MAF: variants seen among roughly 807,000 people sequenced by gnomAD.
The protein encoded by MAF is transcription factor Maf.
MAF carries 10 observed loss-of-function variants against 22.0 expected under a neutral mutation model. The observed-to-expected ratio is 0.45, with a 90% CI of 0.28 to 0.77. The LOEUF (loss-of-function observed/expected upper bound fraction) is 0.77, where lower values mean the gene tolerates loss of function less well. MAF is among the 30% of genes least tolerant of loss of function. The pLI is 0.12. For missense variants in MAF, 544 were observed against 548.4 expected, an observed-to-expected ratio of 0.99 and a Z score of 0.08; for synonymous variants, 337 against 255.8, an observed-to-expected ratio of 1.32 and a Z score of -3.03.
chr16:79,562,373 G>C, the MAF span, among the ~76,000 whole-genome samples: 1 of 152,134 alleles, frequency 6.6e-6, no homozygotes, highest in Non-Finnish European at 1.5e-5. Flanking sequence ...TAGATGATGT[G>C]ACCCGTGAAT....
At chr16:79,459,910 A>G in the MAF span, among the ~76,000 whole-genome samples, 1 of 152,168 alleles carries the variant, frequency 6.6e-6, no homozygotes. Context: ...TCTCATAAAT[A>G]TATCTGTGAG....
At chr16:79,546,717 G>C in the MAF span, among the ~76,000 whole-genome samples, 2 of 152,104 alleles carry the variant, frequency 1.3e-5, no homozygotes, top group Non-Finnish European at 2.9e-5. Flanking sequence ...TTCTGACTCA[G>C]TTTCCGCCTC....
chr16:79,357,342 C>T, the MAF span, among the ~76,000 whole-genome samples: 6 of 149,278 alleles, frequency 4.0e-5, no homozygotes, highest in African/African-American at 7.4e-5. Flanking sequence ...CCCAGCTACT[C>T]GGGAGGCTGA....
the MAF span, among the ~76,000 whole-genome samples, chr16:79,352,490 G>C: frequency 0.011 from 1,607 of 152,224 alleles, 37 homozygotes; most frequent in African/African-American, 0.037. Flanking sequence ...ATTGTTGAAG[G>C]AATCCCATAA....
the MAF span, among the ~76,000 whole-genome samples, chr16:79,253,576 T>G: frequency 6.6e-6 from 1 of 152,284 alleles, no homozygotes; most frequent in South Asian, 2.1e-4. Context: ...CAGGTGTGTG[T>G]ATGTGCATGC....
chr16:79,291,850 G>A, the MAF span, among the ~76,000 whole-genome samples: 6 of 149,422 alleles, frequency 4.0e-5, no homozygotes, highest in Non-Finnish European at 5.9e-5. Context: ...GCCCTCACAG[G>A]GTATCACCTC....
downstream of MAF, among the ~76,000 whole-genome samples, chr16:79,591,291 G>C (rs941113670): frequency 6.6e-6 from 1 of 152,132 alleles, no homozygotes; most frequent in African/African-American, 2.4e-5. Flanking sequence ...GGCAGGTTGA[G>C]GAGTGCAGGG....
the MAF span, among the ~76,000 whole-genome samples, chr16:79,565,918 G>A: frequency 6.6e-6 from 1 of 152,120 alleles, no homozygotes; most frequent in African/African-American, 2.4e-5. Flanking sequence ...ACAGTCTCTT[G>A]CTTCAAGTCA....
At chr16:79,548,984 A>G in the MAF span, among the ~76,000 whole-genome samples, 1 of 152,164 alleles carries the variant, frequency 6.6e-6, no homozygotes. Context: ...AGCATGTATT[A>G]TTATTTTTTT....
At chr16:79,361,671 G>A in the MAF span, among the ~76,000 whole-genome samples, 3 of 151,944 alleles carry the variant, frequency 2.0e-5, no homozygotes, top group African/African-American at 4.8e-5. Flanking sequence ...ACGTCTGCAC[G>A]AAAGATTGGT....
At chr16:79,510,733 T>C in the MAF span, among the ~76,000 whole-genome samples, 5 of 152,236 alleles carry the variant, frequency 3.3e-5, no homozygotes, top group Admixed American at 6.5e-5. Flanking sequence ...TGTAGCTGTC[T>C]TGACATTTTA....
At chr16:79,251,128 T>G in the MAF span, among the ~76,000 whole-genome samples, 1 of 152,102 alleles carries the variant, frequency 6.6e-6, no homozygotes, top group African/African-American at 2.4e-5. Flanking sequence ...AAGTGCTTAT[T>G]TCAAAGTTTC....
At chr16:79,216,367 T>G in the MAF span, among the ~76,000 whole-genome samples, 1 of 152,266 alleles carries the variant, frequency 6.6e-6, no homozygotes, top group Non-Finnish European at 1.5e-5. Context: ...ATGTGTATAT[T>G]CACATATATG....
At chr16:79,588,557 G>A (rs911275023) in intron 1 of MAF, among the ~76,000 whole-genome samples, 6 of 151,472 alleles carry the variant, frequency 4.0e-5, no homozygotes, top group African/African-American at 9.8e-5. Context: ...TGCCTCCCAG[G>A]TTCAAGCGAT....
the MAF span, among the ~76,000 whole-genome samples, chr16:79,368,679 G>A: frequency 2.6e-5 from 4 of 152,118 alleles, no homozygotes; most frequent in African/African-American, 9.7e-5. Context: ...CCTTCACTCT[G>A]CTCACTTCAA....
At chr16:79,536,421 T>C in the MAF span, among the ~76,000 whole-genome samples, 1 of 152,200 alleles carries the variant, frequency 6.6e-6, no homozygotes, top group African/African-American at 2.4e-5. Flanking sequence ...GGTGGGCAGA[T>C]CACTTGAGGT....
chr16:79,377,813 G>A, the MAF span, among the ~76,000 whole-genome samples: 1 of 152,098 alleles, frequency 6.6e-6, no homozygotes, highest in East Asian at 1.9e-4. Flanking sequence ...GTTTTTGTCA[G>A]GTTTGTCAAA....
At chr16:79,236,569 C>T in the MAF span, among the ~76,000 whole-genome samples, 2 of 152,024 alleles carry the variant, frequency 1.3e-5, no homozygotes, top group Admixed American at 1.3e-4. Flanking sequence ...ATCTCACACA[C>T]TATGCACAGT....
the MAF span, among the ~76,000 whole-genome samples, chr16:79,338,789 G>A: frequency 4.9e-4 from 75 of 152,240 alleles, 1 homozygote; most frequent in African/African-American, 1.6e-3. Flanking sequence ...TACCCCATCC[G>A]AGCCTCAGTT....
Sources: gnomAD v4.1 joint callset for allele counts (sites outside exome capture counted in the v4.1 genomes callset) on GRCh38, gnomAD v4.1.1 for gene constraint, MANE v1.5 for transcripts, NCBI Gene and HGNC (gene_info 2026-07-23, HGNC 2026-07-21) for gene names.